Variants in NRXN1 observed in about 807,000 individuals in gnomAD.
NRXN1 encodes neurexin 1, also known as neurexin-1.
In NRXN1, 39 loss-of-function variants were observed where a neutral mutation model predicts 150.9. That is an observed-to-expected ratio of 0.26 (90% CI 0.20 to 0.34). The LOEUF (loss-of-function observed/expected upper bound fraction) is 0.34, where lower values mean the gene tolerates loss of function less well. Ranked by LOEUF, NRXN1 falls within the 10% of genes least tolerant of loss-of-function variation. The pLI, the probability that NRXN1 is intolerant of heterozygous loss-of-function variation, is 1.00. For synonymous variants in NRXN1, 924 were observed against 757.0 expected, an observed-to-expected ratio of 1.22 and a Z score of -3.62; for missense variants, 1,815 against 1,949.9, an observed-to-expected ratio of 0.93 and a Z score of 1.30.
chr2:50,429,880 A>G (rs1442462243), intron 17 of NRXN1, among the ~76,000 whole-genome samples: 1 of 152,174 alleles, frequency 6.6e-6, no homozygotes, highest in Non-Finnish European at 1.5e-5. Flanking sequence ...AAAGTGATCA[A>G]AATACCTGCT....
chr2:50,684,604 T>C (rs910186445), intron 5 of NRXN1, among the ~76,000 whole-genome samples: 5 of 152,162 alleles, frequency 3.3e-5, no homozygotes, highest in South Asian at 4.1e-4. Context: ...TGCAGGTAAG[T>C]TGTTCCTCAA....
intron 5 of NRXN1, among the ~76,000 whole-genome samples, chr2:50,650,690 G>A (rs201543172): frequency 2.7e-4 from 41 of 152,010 alleles, no homozygotes; most frequent in East Asian, 1.4e-3. Flanking sequence ...ACTGTAATTC[G>A]GGTGATAGAA....
chr2:50,844,058 G>A (rs1194759240), intron 5 of NRXN1, among the ~76,000 whole-genome samples: 1 of 152,102 alleles, frequency 6.6e-6, no homozygotes, highest in Non-Finnish European at 1.5e-5. Flanking sequence ...TGAGAAACAC[G>A]CTCACCTGTC....
At chr2:50,907,377 A>C (rs866984050) in intron 5 of NRXN1, among the ~76,000 whole-genome samples, 1 of 152,036 alleles carries the variant, frequency 6.6e-6, no homozygotes, top group Admixed American at 6.6e-5. Flanking sequence ...GTGTTACATG[A>C]AACTTTGATT....
intron 18 of NRXN1, among the ~76,000 whole-genome samples, chr2:50,148,931 G>A (rs1384661706): frequency 6.6e-6 from 1 of 151,656 alleles, no homozygotes; most frequent in Non-Finnish European, 1.5e-5. Flanking sequence ...TTGGTATGGG[G>A]GTGCCAGAGA....
chr2:50,112,133 T>C (rs188671712), intron 18 of NRXN1, among the ~76,000 whole-genome samples: 55 of 152,278 alleles, frequency 3.6e-4, no homozygotes, highest in Non-Finnish European at 6.3e-4. Context: ...TCCCTGTACT[T>C]ATTCTTGTGG....
chr2:50,075,797 G>A (rs77394113), intron 19 of NRXN1, among the ~76,000 whole-genome samples: 46 of 149,650 alleles, frequency 3.1e-4, no homozygotes, highest in Non-Finnish European at 5.5e-4. Context: ...GGTGACAAAG[G>A]AAAAAAAAAA....
intron 5 of NRXN1, among the ~76,000 whole-genome samples, chr2:50,690,010 G>C (rs1221185312): frequency 6.6e-6 from 1 of 151,754 alleles, no homozygotes; most frequent in African/African-American, 2.4e-5. Context: ...CCTCAGCCCT[G>C]GGAGTAGGTG....
intron 5 of NRXN1, among the ~76,000 whole-genome samples, chr2:50,850,303 T>G (rs560344467): frequency 6.6e-6 from 1 of 151,908 alleles, no homozygotes; most frequent in African/African-American, 2.4e-5. Flanking sequence ...TATTTGGACC[T>G]CCCTTCTCCA....
chr2:50,572,289 A>C (rs1286469626), intron 8 of NRXN1, among the ~76,000 whole-genome samples: 1 of 152,188 alleles, frequency 6.6e-6, no homozygotes, highest in Non-Finnish European at 1.5e-5. Flanking sequence ...CAGGTGATAA[A>C]TATGATGCTA....
chr2:50,350,551 A>G (rs1032592474), intron 17 of NRXN1, among the ~76,000 whole-genome samples: 3 of 152,222 alleles, frequency 2.0e-5, no homozygotes, highest in Admixed American at 1.3e-4. Context: ...TCAAAGTGCC[A>G]GGGCTACAAA....
At chr2:50,566,339 G>T (rs1000773716) in intron 8 of NRXN1, among the ~76,000 whole-genome samples, 9 of 151,778 alleles carry the variant, frequency 5.9e-5, no homozygotes, top group Non-Finnish European at 1.0e-4. Flanking sequence ...CGCTGCCTGG[G>T]TTCAAGAGAT....
chr2:50,258,213 A>G (rs1217313249), intron 17 of NRXN1, among the ~76,000 whole-genome samples: 2 of 152,006 alleles, frequency 1.3e-5, no homozygotes, highest in Non-Finnish European at 2.9e-5. Context: ...CATAGCATAC[A>G]ATGCTGTTTG....
At position 50,595,406 on chromosome 2, in the gene NRXN1, G is replaced by A. The variant is rs144840883; in HGVS notation, c.1320+24616C>T. 3.4e-5 allele frequency among the ~76,000 whole-genome samples: 5 copies of A among 146,484 alleles called. No homozygotes were observed. The East Asian group carries it at 7.9e-4, about 23-fold the overall frequency. Reference sequence around the variant, plus strand: ...CCAAATCCCTTGATTATGATTTATGGGCCAGGGTAAAAAAAGGAAAAAAAA... The same window carrying A: ...CCAAATCCCTTGATTATGATTTATGAGCCAGGGTAAAAAAAGGAAAAAAAA... On this transcript the variant is annotated intron_variant, in intron 8 of 22. Transcript: ENST00000401669.
intron 5 of NRXN1, among the ~76,000 whole-genome samples, chr2:50,824,207 G>T (rs1670127313): frequency 6.6e-6 from 1 of 152,048 alleles, no homozygotes; most frequent in Non-Finnish European, 1.5e-5. Context: ...ACAGTACTGA[G>T]TACTTGTTAA....
At chr2:50,959,158 T>C (rs1489037639) in intron 2 of NRXN1, among the ~76,000 whole-genome samples, 2 of 152,082 alleles carry the variant, frequency 1.3e-5, no homozygotes, top group African/African-American at 4.8e-5. Context: ...ACACTGCTGA[T>C]AAAAATGTAA....
intron 17 of NRXN1, among the ~76,000 whole-genome samples, chr2:50,294,567 C>A (rs546845369): frequency 3.3e-5 from 5 of 152,222 alleles, no homozygotes; most frequent in African/African-American, 1.2e-4. Context: ...GAGAATGACA[C>A]CTAAATCAGC....
At chr2:50,731,400 T>C (rs1186824183) in intron 5 of NRXN1, among the ~76,000 whole-genome samples, 1 of 152,240 alleles carries the variant, frequency 6.6e-6, no homozygotes, top group Non-Finnish European at 1.5e-5. Context: ...AATGCACTTA[T>C]ATTCACTACC....
At chr2:49,933,517 G>C (rs1670503405) in intron 22 of NRXN1, among the ~76,000 whole-genome samples, 1 of 152,194 alleles carries the variant, frequency 6.6e-6, no homozygotes, top group East Asian at 1.9e-4. Flanking sequence ...GCAGTGAAGA[G>C]TGGTAAAAAG....
Sources: allele counts gnomAD v4.1 joint callset (sites outside exome capture counted in the v4.1 genomes callset), GRCh38; gene constraint gnomAD v4.1.1; transcripts MANE v1.5; gene names NCBI Gene and HGNC (gene_info 2026-07-23, HGNC 2026-07-21).